The following ITSN1 variants were observed in gnomAD, a reference collection of about 807,000 sequenced individuals.
ITSN1 encodes intersectin 1, also known as intersectin-1.
ITSN1 carries 58 observed loss-of-function variants against 239.8 expected under a neutral mutation model. That is an observed-to-expected ratio of 0.24 (90% CI 0.20 to 0.30). The LOEUF is 0.30. ITSN1 is among the 10% of genes least tolerant of loss of function. The pLI is 1.00. For missense variants in ITSN1, 1,558 were observed against 2,103.3 expected (o/e 0.74, Z 5.07); for synonymous variants, 780 against 770.8 (o/e 1.01, Z -0.20).
At chr21:33,824,898 AT>A (rs1405186073) in intron 25 of ITSN1, among the ~76,000 whole-genome samples, 1 of 152,128 alleles carries the variant, frequency 6.6e-6, no homozygotes, top group Non-Finnish European at 1.5e-5. Context: ...GAAGAAAGTA[AT>A]TTTGCCCTGC....
chr21:33,740,444 GA>G (rs1269810779), intron 5 of ITSN1, among the ~76,000 whole-genome samples: 1 of 152,194 alleles, frequency 6.6e-6, no homozygotes, highest in East Asian at 1.9e-4. Flanking sequence ...CTGCTACCAA[GA>G]AAAAGTGTTT....
intron 4 of ITSN1, among the ~76,000 whole-genome samples, chr21:33,725,133 GTTTT>G (rs1171718411): frequency 0.034 from 3,107 of 91,268 alleles, 116 homozygotes; most frequent in African/African-American, 0.14. Flanking sequence ...TTTTTTTTTT[GTTTT>G]TTTTTTTTTT....
chr21:33,730,388 C>CT (rs71194863), intron 4 of ITSN1, among the ~76,000 whole-genome samples: 9,603 of 49,250 alleles, frequency 0.19, 3,246 homozygotes, highest in East Asian at 0.34. Flanking sequence ...GCTCTCTGTT[C>CT]TTTTTTTTTT....
At chr21:33,737,291 T>C (rs2066560682) in intron 5 of ITSN1, among the ~76,000 whole-genome samples, 1 of 152,214 alleles carries the variant, frequency 6.6e-6, no homozygotes, top group Non-Finnish European at 1.5e-5. Context: ...CCAGGATTTC[T>C]GACCTAATAC....
At chr21:33,695,787 T>A (rs1365673342) in intron 1 of ITSN1, among the ~76,000 whole-genome samples, 4 of 152,312 alleles carry the variant, frequency 2.6e-5, no homozygotes, top group Admixed American at 1.3e-4. Context: ...TTCTGTACTT[T>A]AATGGTGCAG....
chr21:33,723,386 G>A (rs377161632), intron 4 of ITSN1, among the ~76,000 whole-genome samples: 1 of 152,134 alleles, frequency 6.6e-6, no homozygotes, highest in Admixed American at 6.6e-5. Flanking sequence ...AGGCCGAGGC[G>A]GGCGGATCAC....
chr21:33,868,433 T>A (rs955787770), intron 33 of ITSN1, among the ~76,000 whole-genome samples: 1 of 152,200 alleles, frequency 6.6e-6, no homozygotes, highest in African/African-American at 2.4e-5. Context: ...GGCTCAGGCA[T>A]GGCGGGCTGC....
At chr21:33,826,892 T>C in intron 26 of ITSN1, 29 bp downstream of exon 26, 1 of 1,590,436 alleles carries the variant, frequency 6.3e-7, no homozygotes, top group Non-Finnish European at 8.6e-7. Context: ...TGCTTACTTT[T>C]CAATGTTTTG....
At chr21:33,665,269 A>G (rs991638549) in intron 1 of ITSN1, among the ~76,000 whole-genome samples, 3 of 152,198 alleles carry the variant, frequency 2.0e-5, no homozygotes, top group African/African-American at 7.2e-5. Context: ...TCTCAAAAAA[A>G]AAGAAAAAAA....
intron 31 of ITSN1, among the ~76,000 whole-genome samples, chr21:33,862,714 G>A (rs1329100186): frequency 6.6e-6 from 1 of 152,202 alleles, no homozygotes; most frequent in Non-Finnish European, 1.5e-5. Flanking sequence ...CATGGGCTCT[G>A]GAGTCAGACC....
chr21:33,800,068 G>A lies in ITSN1; in HGVS notation c.2304+139G>A, dbSNP rs540041976. ...CAGCATCTAGATTTTTAAAGTATAA[G>A]CTCAATCTTCTTTCTTTTCTATTAA... On this transcript the variant is annotated intron_variant, in intron 19 of 39. Coordinates refer to ENST00000381318, the MANE Select transcript of ITSN1 (RefSeq NM_003024.3). 1.8e-4 allele frequency: 138 copies of A among 762,436 alleles called. No homozygotes were observed. The South Asian group carries it at 4.7e-3, about 26-fold the overall frequency. The allele number at this position is 762,436 out of a possible 1,614,324, so 47.2% of individuals were successfully genotyped here.
intron 1 of ITSN1, among the ~76,000 whole-genome samples, chr21:33,663,468 C>T (rs1407186368): frequency 6.6e-6 from 1 of 152,312 alleles, no homozygotes; most frequent in Non-Finnish European, 1.5e-5. Context: ...TCGTAATAGA[C>T]CATTGAGTCA....
chr21:33,836,759 C>T (rs1429278648), intron 29 of ITSN1, 127 bp downstream of exon 29: 8 of 827,960 alleles, frequency 9.7e-6, no homozygotes, highest in South Asian at 7.2e-5. Context: ...CATTCGCAGT[C>T]GTCTCTTTGA....
At chr21:33,720,521 A>G (rs1347216037) in intron 2 of ITSN1, among the ~76,000 whole-genome samples, 1 of 152,052 alleles carries the variant, frequency 6.6e-6, no homozygotes, top group African/African-American at 2.4e-5. Context: ...CCTAAAACCC[A>G]TTCTCTTTGG....
intron 4 of ITSN1, 40 bp downstream of exon 4, chr21:33,722,691 G>C (rs1446326006): frequency 6.6e-7 from 1 of 1,520,338 alleles, no homozygotes; most frequent in South Asian, 1.3e-5. Flanking sequence ...ATAAGCATAA[G>C]GCAAAATAAA....
At position 33,829,652 on chromosome 21, in the gene ITSN1, C is replaced by T. The variant is rs372937128; in HGVS notation, c.3258C>T (p.Thr1086=). 25 of 1,612,176 alleles carry T rather than the reference C, an allele frequency of 1.6e-5. No individual in the cohort carries two copies. The highest frequency in any genetic ancestry group is 8.0e-5 in the African/African-American group (6 of 74,806). ...TTGCCCAGGTTATTGCCTCATACAC[C>T]GCCACCGGCCCCGAGCAGCTCACTC... ...PEIAQVIASY[T]ATGPEQLTLA... Residue 1086 remains threonine, a synonymous_variant, in exon 27 of 40, where the codon ACC becomes ACT. Transcript: ENST00000381318.
At chr21:33,824,537 T>C (rs1445954814) in intron 25 of ITSN1, among the ~76,000 whole-genome samples, 1 of 152,114 alleles carries the variant, frequency 6.6e-6, no homozygotes, top group Non-Finnish European at 1.5e-5. Context: ...GCAGGGAGCC[T>C]GTAGGGGCCG....
intron 5 of ITSN1, among the ~76,000 whole-genome samples, chr21:33,744,075 A>G (rs936769935): frequency 1.3e-5 from 2 of 152,372 alleles, no homozygotes. Flanking sequence ...CTGTAGAGCT[A>G]AGACTGAAGG....
chr21:33,771,318 A>G (rs765908869), intron 11 of ITSN1, among the ~76,000 whole-genome samples: 1 of 152,200 alleles, frequency 6.6e-6, no homozygotes, highest in Non-Finnish European at 1.5e-5. Context: ...AGGGACTGGC[A>G]TGCTGCACAG....
Sources: allele counts gnomAD v4.1 joint callset (sites outside exome capture counted in the v4.1 genomes callset), GRCh38; gene constraint gnomAD v4.1.1; transcripts MANE v1.5; gene names NCBI Gene and HGNC (gene_info 2026-07-23, HGNC 2026-07-21).